The following GPD2 variants were observed in gnomAD, a reference collection of about 807,000 sequenced individuals.
GPD2 encodes glycerol-3-phosphate dehydrogenase 2.
Under a neutral mutation model 82.4 loss-of-function variants are expected in GPD2, and 54 were observed. The ratio of observed to expected loss-of-function variants is 0.66; its 90% CI spans 0.53 to 0.82. The LOEUF (loss-of-function observed/expected upper bound fraction) is 0.82, where lower values mean the gene tolerates loss of function less well. GPD2 is among the 40% of genes least tolerant of loss of function. The pLI is 0.00. For missense variants in GPD2, 748 were observed against 896.2 expected, an observed-to-expected ratio of 0.83 and a Z score of 2.11; for synonymous variants, 288 against 306.1, an observed-to-expected ratio of 0.94 and a Z score of 0.62.
chr2:156,464,777 A>T (rs1683094545), intron 1 of GPD2, among the ~76,000 whole-genome samples: 1 of 152,198 alleles, frequency 6.6e-6, no homozygotes. Context: ...TCTTCAACAG[A>T]TACTTCCCCA....
At chr2:156,500,941 G>A (rs890116141) in intron 3 of GPD2, among the ~76,000 whole-genome samples, 1 of 152,158 alleles carries the variant, frequency 6.6e-6, no homozygotes, top group African/African-American at 2.4e-5. Flanking sequence ...TCTGTGTCCC[G>A]TTCTAGGACA....
intron 3 of GPD2, among the ~76,000 whole-genome samples, chr2:156,504,509 G>A (rs1307844267): frequency 6.6e-6 from 1 of 151,638 alleles, no homozygotes; most frequent in African/African-American, 2.4e-5. Context: ...TATTATCTTG[G>A]TGTCTCTGAT....
In GPD2 at chr2:156,496,033, T is replaced by A; in HGVS notation, c.103-11T>A. 6.2e-7 allele frequency: 1 copy of A among 1,606,996 alleles called. No homozygotes were observed. The highest frequency in any genetic ancestry group is 8.5e-7 in the Non-Finnish European group (1 of 1,174,426). On this transcript the variant is annotated splice_polypyrimidine_tract_variant and intron_variant, in intron 2 of 16. Transcript: ENST00000438166. ...AAATGGACAACTGAAAGTGATCTGC[T>A]TTTACATCAGATGAACCTGGCCTAT...
chr2:156,500,247 G>A (rs1684539523), intron 3 of GPD2, among the ~76,000 whole-genome samples: 1 of 152,116 alleles, frequency 6.6e-6, no homozygotes, highest in African/African-American at 2.4e-5. Context: ...GCAAACTTTA[G>A]CTTGTATTTC....
chr2:156,434,154 A>T (rs1015818950), upstream of GPD2, among the ~76,000 whole-genome samples: 1 of 152,084 alleles, frequency 6.6e-6, no homozygotes, highest in African/African-American at 2.4e-5. Flanking sequence ...CCCAGGGTGG[A>T]GTTCAGTGGT....
chr2:156,402,477 C>T, the GPD2 span, among the ~76,000 whole-genome samples: 9 of 152,120 alleles, frequency 5.9e-5, no homozygotes, highest in African/African-American at 9.7e-5. Context: ...ACTCATTTTA[C>T]TTCTTCTAAC....
rs141797021 is a variant in GPD2, at chr2:156,565,358, G to A, written c.1166-3467G>A. ...ATTTCCTAGTTAGGTTTTTGGTAAC[G>A]ATTAAAACACTTTTTACAACTTGTT... is the stretch of plus-strand genomic sequence containing the variant. On this transcript the variant is annotated intron_variant, in intron 9 of 16. Coordinates refer to ENST00000438166, the MANE Select transcript of GPD2 (RefSeq NM_000408.5). 1.1e-4 allele frequency among the ~76,000 whole-genome samples: 17 copies of A among 152,148 alleles called. No homozygotes were observed. The East Asian group carries it at 1.5e-3, about 14-fold the overall frequency.
chr2:156,469,583 T>C (rs554632940), intron 1 of GPD2, among the ~76,000 whole-genome samples: 44 of 152,346 alleles, frequency 2.9e-4, no homozygotes, highest in African/African-American at 1.1e-3. Flanking sequence ...CTACTGTGAC[T>C]AGTGCTGCAA....
chr2:156,518,061 C>G (rs1685263541), intron 6 of GPD2, among the ~76,000 whole-genome samples: 2 of 152,122 alleles, frequency 1.3e-5, no homozygotes, highest in African/African-American at 4.8e-5. Flanking sequence ...TTGCCTTTTC[C>G]TAATGTAAAT....
In GPD2 at chr2:156,567,394, C is replaced by A. The variant is rs1410921178; in HGVS notation, c.1166-1431C>A. Among the ~76,000 whole-genome samples, 2 of 152,012 alleles carry A rather than the reference C, an allele frequency of 1.3e-5. 1 individual carries two copies. Among genetic ancestry groups the A allele is most frequent in the South Asian group, 4.1e-4 (2 of 4,822 alleles). ...TTTGTATACGATATAAGATAAGGGTCCACCTTCATTCTTTCACATGTGGAG... is the reference window on the plus strand; with the variant it reads ...TTTGTATACGATATAAGATAAGGGTACACCTTCATTCTTTCACATGTGGAG... On this transcript the variant is annotated intron_variant, in intron 9 of 16. Transcript: ENST00000438166.
At chr2:156,441,969 A>G (rs2105139548) in intron 1 of GPD2, among the ~76,000 whole-genome samples, 1 of 152,338 alleles carries the variant, frequency 6.6e-6, no homozygotes, top group East Asian at 1.9e-4. Flanking sequence ...AGGCAAAATG[A>G]AAGAATTACT....
intron 1 of GPD2, among the ~76,000 whole-genome samples, chr2:156,454,730 A>G (rs1405648282): frequency 6.6e-6 from 1 of 151,712 alleles, no homozygotes; most frequent in African/African-American, 2.4e-5. Flanking sequence ...AGAGATGGGG[A>G]AGATTGGTCT....
At chr2:156,559,292 A>G (rs1325249828) in intron 9 of GPD2, among the ~76,000 whole-genome samples, 1 of 152,158 alleles carries the variant, frequency 6.6e-6, no homozygotes, top group East Asian at 1.9e-4. Flanking sequence ...TGATTATCTT[A>G]TTTGTATGCT....
chr2:156,572,618 G>A (rs1462587998), intron 13 of GPD2, among the ~76,000 whole-genome samples: 1 of 152,158 alleles, frequency 6.6e-6, no homozygotes, highest in Admixed American at 6.6e-5. Context: ...CAGACTGGAT[G>A]AGATTATATA....
chr2:156,531,455 G>A (rs1221094986), intron 6 of GPD2, among the ~76,000 whole-genome samples: 1 of 152,176 alleles, frequency 6.6e-6, no homozygotes, highest in Admixed American at 6.5e-5. Context: ...ATCAGCACTG[G>A]CCCTGACAGT....
intron 9 of GPD2, among the ~76,000 whole-genome samples, chr2:156,558,216 A>C (rs532468509): frequency 5.9e-5 from 9 of 152,098 alleles, no homozygotes; most frequent in African/African-American, 2.2e-4. Flanking sequence ...TTGTGCTTCT[A>C]TATTTCCTCT....
At chr2:156,431,536 C>G (rs1688316935), upstream of GPD2, among the ~76,000 whole-genome samples, 1 of 151,502 alleles carries the variant, frequency 6.6e-6, no homozygotes, top group African/African-American at 2.4e-5. Context: ...TTACTGAGAG[C>G]AATTCCTAAA....
At chr2:156,434,150 G>A (rs1367631729), upstream of GPD2, among the ~76,000 whole-genome samples, 2 of 152,044 alleles carry the variant, frequency 1.3e-5, no homozygotes, top group East Asian at 1.9e-4. Flanking sequence ...GTTGCCCAGG[G>A]TGGAGTTCAG....
intron 6 of GPD2, among the ~76,000 whole-genome samples, chr2:156,526,359 T>G (rs1411269173): frequency 6.6e-6 from 1 of 152,198 alleles, no homozygotes; most frequent in Non-Finnish European, 1.5e-5. Flanking sequence ...ATGCTGTTAT[T>G]ATCATTATGT....
Sources: gnomAD v4.1 joint callset for allele counts (sites outside exome capture counted in the v4.1 genomes callset) on GRCh38, gnomAD v4.1.1 for gene constraint, MANE v1.5 for transcripts, NCBI Gene and HGNC (gene_info 2026-07-23, HGNC 2026-07-21) for gene names.